PHACTR2: variants seen among roughly 807,000 people sequenced by gnomAD.
PHACTR2 encodes the protein chromosome 6 open reading frame 56.
Under a neutral mutation model 76.0 loss-of-function variants are expected in PHACTR2, and 30 were observed. The observed-to-expected ratio is 0.39, with a 90% CI of 0.30 to 0.54. The LOEUF (loss-of-function observed/expected upper bound fraction) is 0.54, where lower values mean the gene tolerates loss of function less well. PHACTR2 is among the 20% of genes least tolerant of loss of function. The pLI is 0.61. For missense variants in PHACTR2, 696 were observed against 781.1 expected (o/e 0.89, Z 1.30); for synonymous variants, 292 against 292.5 (o/e 1.00, Z 0.02).
intron 4 of PHACTR2, among the ~76,000 whole-genome samples, chr6:143,756,700 A>G (rs1779307947): frequency 6.3e-5 from 1 of 15,756 alleles, no homozygotes; most frequent in Non-Finnish European, 1.3e-4. Flanking sequence ...CTCCGTCTCA[A>G]AAAAAAAAAA....
rs1775788872 is a variant in PHACTR2, at chr6:143,599,297, C to G, written c.217+62090C>G. Among the ~76,000 whole-genome samples the G allele has an allele frequency of 6.6e-6, 1 of 152,112 alleles. No individual in the cohort carries two copies. The highest frequency in any genetic ancestry group is 1.5e-5 in the Non-Finnish European group (1 of 68,014). On this transcript the variant is annotated intron_variant, in intron 1 of 11. Transcript: ENST00000367584. The surrounding 1 kb of genome is among the most constrained non-coding windows in gnomAD (Gnocchi z 4.6). ...AGGAGAAAACTAAACTTTCATTAGG[C>G]TATTTAAGGAGATCAGGCAGAAATT...
At chr6:143,786,116 GCT>G (rs1358717393) in intron 10 of PHACTR2, among the ~76,000 whole-genome samples, 1 of 152,166 alleles carries the variant, frequency 6.6e-6, no homozygotes, top group African/African-American at 2.4e-5. Flanking sequence ...GAACTTTTAT[GCT>G]CTGTTTCCCT....
At position 143,541,763 on chromosome 6, in the gene PHACTR2, T is replaced by C. The variant is rs1367812206; in HGVS notation, c.217+4556T>C. Among the ~76,000 whole-genome samples, 1 of 152,188 alleles carries C rather than the reference T, an allele frequency of 6.6e-6. No individual in the cohort carries two copies. The highest frequency in any genetic ancestry group is 1.9e-4 in the East Asian group (1 of 5,200). On this transcript the variant is annotated intron_variant, in intron 1 of 11. Coordinates refer to the PHACTR2 transcript ENST00000367584. This position sits in a 1 kb window ranked among gnomAD's most constrained non-coding sequence, Gnocchi z 5.3. ...CTGCTTCCTGGCCACTTCCATGAGA[T>C]ACTGCTGTCCAAGACCAGTTCTGCT...
chr6:143,619,671 C>G lies in PHACTR2; in HGVS notation c.13+11349C>G, dbSNP rs1776118039. On this transcript the variant is annotated intron_variant, in intron 1 of 11. Coordinates refer to the PHACTR2 transcript ENST00000305766. This position sits in a 1 kb window ranked among gnomAD's most constrained non-coding sequence, Gnocchi z 4.5. Reference sequence around the variant, plus strand: ...CTGAGACTTGCTTAAAACTGTACACCCAACTTGTCTTTAATTTACCACCTG... The same window carrying G: ...CTGAGACTTGCTTAAAACTGTACACGCAACTTGTCTTTAATTTACCACCTG... Among the ~76,000 whole-genome samples the G allele has an allele frequency of 1.3e-5, 2 of 152,152 alleles. No homozygotes were observed. Among genetic ancestry groups the G allele is most frequent in the Non-Finnish European group, 2.9e-5 (2 of 68,028 alleles).
intron 7 of PHACTR2, among the ~76,000 whole-genome samples, chr6:143,773,146 G>C (rs1398456158): frequency 6.6e-6 from 1 of 152,120 alleles, no homozygotes; most frequent in African/African-American, 2.4e-5. Context: ...CCAGGAGGCA[G>C]AAGTTGCACT....
chr6:143,785,528 A>G (rs1379227812), intron 10 of PHACTR2, among the ~76,000 whole-genome samples: 1 of 152,112 alleles, frequency 6.6e-6, no homozygotes, highest in African/African-American at 2.4e-5. Flanking sequence ...GTTCTGGAGG[A>G]CAGTGACCCT....
intron 1 of PHACTR2, among the ~76,000 whole-genome samples, chr6:143,649,770 TG>T (rs1421737728): frequency 6.6e-6 from 1 of 152,162 alleles, no homozygotes; most frequent in African/African-American, 2.4e-5. Context: ...AGCATTCACC[TG>T]AAAACCAGCA....
intron 1 of PHACTR2, among the ~76,000 whole-genome samples, chr6:143,686,481 CT>C (rs71024870): frequency 3.1e-3 from 263 of 83,962 alleles, no homozygotes; most frequent in African/African-American, 0.01. Context: ...GAACTTCATT[CT>C]TTTTTTTTTT....
intron 2 of PHACTR2, among the ~76,000 whole-genome samples, chr6:143,736,350 C>T (rs1044087140): frequency 6.6e-6 from 1 of 152,006 alleles, no homozygotes; most frequent in Non-Finnish European, 1.5e-5. Flanking sequence ...CAAAGCATAG[C>T]CAGTATTTAA....
chr6:143,552,898 A>G (rs1775112299), intron 1 of PHACTR2, among the ~76,000 whole-genome samples: 1 of 151,670 alleles, frequency 6.6e-6, no homozygotes, highest in South Asian at 2.1e-4. Flanking sequence ...GAAAAAAAAA[A>G]AAAAAAAAAA....
intron 6 of PHACTR2, among the ~76,000 whole-genome samples, chr6:143,770,928 T>TC (rs1775085606): frequency 1.4e-5 from 2 of 144,460 alleles, no homozygotes; most frequent in African/African-American, 2.5e-5. Flanking sequence ...TTTCTTTCTT[T>TC]TTTTTTTTTT....
chr6:143,614,249 C>T (rs1292504688), intron 1 of PHACTR2, among the ~76,000 whole-genome samples: 1 of 152,066 alleles, frequency 6.6e-6, no homozygotes, highest in Non-Finnish European at 1.5e-5. Context: ...ATAGAATTGG[C>T]ATATAATTTC....
In PHACTR2 at chr6:143,811,295, T is replaced by A. The variant is rs963470354; in HGVS notation, c.1922+4162T>A. Reference sequence around the variant, plus strand: ...TTCTAATGAGCTGTTTGTCTATCCATGTCTATATCCTACTGTTTAATTTGG... The same window carrying A: ...TTCTAATGAGCTGTTTGTCTATCCAAGTCTATATCCTACTGTTTAATTTGG... On this transcript the variant is annotated intron_variant, in intron 12 of 12. Coordinates refer to ENST00000440869, the MANE Select transcript of PHACTR2 (RefSeq NM_001100164.2). The surrounding 1 kb of genome is among the most constrained non-coding windows in gnomAD (Gnocchi z 4.1). Among the ~76,000 whole-genome samples, 2 of 152,228 alleles carry A rather than the reference T, an allele frequency of 1.3e-5. No homozygotes were observed. Among genetic ancestry groups the A allele is most frequent in the African/African-American group, 2.4e-5 (1 of 41,468 alleles).
chr6:143,625,081 G>A lies in PHACTR2; in HGVS notation c.13+16759G>A, dbSNP rs566286411. On this transcript the variant is annotated intron_variant, in intron 1 of 11. Coordinates refer to the PHACTR2 transcript ENST00000305766. This position sits in a 1 kb window ranked among gnomAD's most constrained non-coding sequence, Gnocchi z 4.3. Reference sequence around the variant, plus strand: ...TGAGGCAGGAGAATTGCTTGAACCCGGGAGATGGAGGTTGCAGTAAGCCAA... The same window carrying A: ...TGAGGCAGGAGAATTGCTTGAACCCAGGAGATGGAGGTTGCAGTAAGCCAA... 5.3e-5 allele frequency among the ~76,000 whole-genome samples: 8 copies of A among 151,956 alleles called. No homozygotes were observed. Among genetic ancestry groups the A allele is most frequent in the African/African-American group, 1.9e-4 (8 of 41,410 alleles).
chr6:143,742,116 AAC>A lies in PHACTR2; in HGVS notation c.215-6867_215-6866del, dbSNP rs1388824734. On this transcript the variant is annotated intron_variant, in intron 2 of 12. Transcript: ENST00000440869. The surrounding 1 kb of genome is among the most constrained non-coding windows in gnomAD (Gnocchi z 4.5). ...GTGAAACTCCATCTCAAAAAAAAAA[AAC>A]AACAACATTTATTTGATACTTTTTT... Among the ~76,000 whole-genome samples the A allele has an allele frequency of 6.6e-6, 1 of 152,164 alleles. No homozygotes were observed. The highest frequency in any genetic ancestry group is 2.4e-5 in the African/African-American group (1 of 41,530).
Position 143,765,738 on chromosome 6 carries a change from C to T in PHACTR2, c.1172C>T (p.Thr391Met), listed in dbSNP as rs772344848. The change falls in exon 6 of 13, where the codon ACG becomes ATG. Residue 391 changes from threonine to methionine, a missense_variant. Around this residue, in one of 2 missense-constraint regions of PHACTR2, gnomAD observed 236 missense variants for 330.2 expected, o/e 0.71. Coordinates refer to ENST00000440869, the MANE Select transcript of PHACTR2 (RefSeq NM_001100164.2). This position sits in a 1 kb window ranked among gnomAD's most constrained non-coding sequence, Gnocchi z 4.1. Reference sequence around the variant, plus strand: ...CAGCTTCTTTGGGCTGAAGAGCCGACGAACAGAACCACTCTCTACTCAGGC... The same window carrying T: ...CAGCTTCTTTGGGCTGAAGAGCCGATGAACAGAACCACTCTCTACTCAGGC... The part of the protein sequence containing the change: ...PSQLLWAEEP[T>M]NRTTLYSGTG... 160 of 1,614,040 alleles carry T rather than the reference C, an allele frequency of 9.9e-5. No homozygotes were observed. Among genetic ancestry groups the T allele is most frequent in the Middle Eastern group, 1.6e-4 (1 of 6,084 alleles).
chr6:143,620,727 A>G lies in PHACTR2; in HGVS notation c.13+12405A>G, dbSNP rs141528916. 7.0e-3 allele frequency among the ~76,000 whole-genome samples: 1,068 copies of G among 152,374 alleles called. 14 individuals are homozygous for G. The highest frequency in any genetic ancestry group is 0.022 in the African/African-American group (908 of 41,596). On this transcript the variant is annotated intron_variant, in intron 1 of 11. Coordinates refer to the PHACTR2 transcript ENST00000305766. ...GGCCATCGGCCAACCCACAAGGCAT[A>G]GGCCATGCCAAATGTGATTTCCATT...
At position 143,795,095 on chromosome 6, in the gene PHACTR2, G is replaced by A. The variant is rs919441860; in HGVS notation, c.1845+6185G>A. Among the ~76,000 whole-genome samples, 2 of 152,150 alleles carry A rather than the reference G, an allele frequency of 1.3e-5. No individual in the cohort carries two copies. The highest frequency in any genetic ancestry group is 2.4e-5 in the African/African-American group (1 of 41,440). On this transcript the variant is annotated intron_variant, in intron 11 of 12. Transcript: ENST00000440869. The surrounding 1 kb of genome is among the most constrained non-coding windows in gnomAD (Gnocchi z 4.8). ...GAAATGCCTTATTAATTGTGAACTT[G>A]ATTGAGCTTTATTCACCTTTAAAAT...
chr6:143,580,401 C>T lies in PHACTR2; in HGVS notation c.217+43194C>T, dbSNP rs889464060. Reference sequence around the variant, plus strand: ...TCTGGAGGCTGAGGCAGGAGAATGGCGTGAACCCAGGAGGCGGGGCTTGCA... The same window carrying T: ...TCTGGAGGCTGAGGCAGGAGAATGGTGTGAACCCAGGAGGCGGGGCTTGCA... On this transcript the variant is annotated intron_variant, in intron 1 of 11. Coordinates refer to the PHACTR2 transcript ENST00000367584. This position sits in a 1 kb window ranked among gnomAD's most constrained non-coding sequence, Gnocchi z 4.2. Among the ~76,000 whole-genome samples the T allele has an allele frequency of 8.5e-5, 13 of 152,348 alleles. No individual in the cohort carries two copies. The highest frequency in any genetic ancestry group is 2.9e-4 in the African/African-American group (12 of 41,574).
Sources: gnomAD v4.1 joint callset for allele counts (sites outside exome capture counted in the v4.1 genomes callset) on GRCh38, gnomAD v4.1.1 for gene constraint, gnomAD v4.1.1 regional missense constraint, Gnocchi (gnomAD v3.1) non-coding constraint, MANE v1.5 for transcripts, NCBI Gene and HGNC (gene_info 2026-07-23, HGNC 2026-07-21) for gene names.